The following DIAPH2 variants were observed in gnomAD, a reference collection of about 807,000 sequenced individuals.
DIAPH2 encodes the protein protein diaphanous homolog 2.
In DIAPH2, 35 loss-of-function variants were observed where a neutral mutation model predicts 92.7. The ratio of observed to expected loss-of-function variants is 0.38; its 90% confidence interval spans 0.29 to 0.50. DIAPH2 has a LOEUF of 0.50. Among genes scored for constraint, DIAPH2 ranks in the 20% least tolerant of loss-of-function variants. DIAPH2 has a pLI of 0.94. For missense variants in DIAPH2, 701 were observed against 819.5 expected (o/e 0.86, Z 1.77); for synonymous variants, 301 against 280.4 (o/e 1.07, Z -0.73).
intron 22 of DIAPH2, among the ~76,000 whole-genome samples, chrX:97,206,181 C>T (rs183905957): frequency 7.5e-4 from 83 of 110,831 alleles, no homozygotes; most frequent in African/African-American, 2.4e-3. Context: ...GGAGGGAGAG[C>T]ATTAGGACAA....
chrX:97,461,665 T>A (rs1345868845), intron 26 of DIAPH2, among the ~76,000 whole-genome samples: 1 of 111,215 alleles, frequency 9.0e-6, no homozygotes, highest in African/African-American at 3.3e-5. Context: ...TTCCCTTTAG[T>A]TATGGGGATT....
intron 23 of DIAPH2, among the ~76,000 whole-genome samples, chrX:97,252,290 TG>T (rs2068195047): frequency 1.8e-5 from 2 of 110,710 alleles, no homozygotes. Flanking sequence ...GGACAGAGAG[TG>T]ACTGAGCAGC....
intron 4 of DIAPH2, among the ~76,000 whole-genome samples, chrX:96,762,886 C>T (rs1180649001): frequency 9.0e-6 from 1 of 110,737 alleles, no homozygotes; most frequent in East Asian, 2.8e-4. Flanking sequence ...AATCCTTATT[C>T]TGTAGACTTT....
rs978936948 is a variant in DIAPH2 at position 97,212,959 on chromosome X, A to G, written c.2720-34756A>G. ...AAGTTTTGGATATTTTTATCATTAT[A>G]CAATCATTATTATGGTTTAATTTTG... On this transcript the variant is annotated intron_variant, in intron 22 of 26. Transcript: ENST00000324765. Among the ~76,000 whole-genome samples the G allele has an allele frequency of 7.2e-5, 8 of 111,870 alleles. No individual in the cohort carries two copies. In the Admixed American group the frequency reaches 7.6e-4, roughly 11 times the overall value.
intron 24 of DIAPH2, among the ~76,000 whole-genome samples, chrX:97,360,658 T>C (rs138501874): frequency 1.8e-3 from 196 of 111,264 alleles, no homozygotes; most frequent in African/African-American, 6.3e-3. Context: ...TTATGTAAAA[T>C]GGATGAAATC....
rs1055780032 is a variant in DIAPH2 at position 96,918,541 on chromosome X, C to T, written c.902C>T (p.Ala301Val). Reference sequence around the variant, plus strand: ...AAACTTTTAGGGGCTATAACAACAGCAGCAGAAAGAAATAACAGGGAACGA... The same window carrying T: ...AAACTTTTAGGGGCTATAACAACAGTAGCAGAAAGAAATAACAGGGAACGA... ...LDKLLGAITT[A>V]AERNNRERFS... The change falls in exon 9 of 27, where the codon GCA becomes GTA. Residue 301 changes from alanine to valine, a missense_variant. Around this residue, in one of 3 missense-constraint regions of DIAPH2, gnomAD observed 536 missense variants for 599.3 expected, o/e 0.89. Transcript: ENST00000324765. 1 of 1,205,404 alleles carries T rather than the reference C, an allele frequency of 8.3e-7. No individual in the cohort carries two copies. Among genetic ancestry groups the T allele is most frequent in the Middle Eastern group, 2.3e-4 (1 of 4,328 alleles).
At chrX:96,907,923 C>G (rs2065443683) in intron 5 of DIAPH2, among the ~76,000 whole-genome samples, 1 of 111,860 alleles carries the variant, frequency 8.9e-6, no homozygotes, top group South Asian at 3.7e-4. Flanking sequence ...GTGGTATATT[C>G]ATACAGTAAC....
At chrX:97,117,181 G>C (rs183286034) in intron 21 of DIAPH2, among the ~76,000 whole-genome samples, 1 of 110,406 alleles carries the variant, frequency 9.1e-6, no homozygotes, top group East Asian at 2.8e-4. Flanking sequence ...CATTTAGAAA[G>C]AGAAATATCA....
chrX:97,191,730 C>T (rs941198802), intron 22 of DIAPH2, among the ~76,000 whole-genome samples: 2 of 111,590 alleles, frequency 1.8e-5, no homozygotes, highest in Non-Finnish European at 3.8e-5. Context: ...TACTTTAGTT[C>T]GCTTAATTTT....
At chrX:96,729,881 AATG>A (rs1326594782) in intron 1 of DIAPH2, among the ~76,000 whole-genome samples, 1 of 112,284 alleles carries the variant, frequency 8.9e-6, no homozygotes, top group Non-Finnish European at 1.9e-5. Context: ...GCTCTACTAA[AATG>A]ATGAAATGGA....
intron 3 of DIAPH2, among the ~76,000 whole-genome samples, chrX:96,746,542 C>T (rs866593761): frequency 2.8e-5 from 3 of 106,406 alleles, no homozygotes; most frequent in Non-Finnish European, 3.9e-5. Context: ...CTTTTTTTTT[C>T]TTTTGTTTTT....
Position 97,003,474 on chromosome X carries a change from C to A in DIAPH2, c.2050+38267C>A, listed in dbSNP as rs185175593. Among the ~76,000 whole-genome samples the A allele has an allele frequency of 3.6e-5, 4 of 112,071 alleles. No homozygotes were observed. In the East Asian group the frequency reaches 1.1e-3, roughly 31 times the overall value. On this transcript the variant is annotated intron_variant, in intron 17 of 26. Coordinates refer to ENST00000324765, the MANE Select transcript of DIAPH2 (RefSeq NM_006729.5). ...CATCCTCTCCAGCATTTGTTATTGC[C>A]TGTCTTTCAGATGAAAGCCATTTTG... is the stretch of plus-strand genomic sequence containing the variant.
At chrX:96,864,046 G>C (rs2065088885) in intron 4 of DIAPH2, among the ~76,000 whole-genome samples, 1 of 111,649 alleles carries the variant, frequency 9.0e-6, no homozygotes, top group Admixed American at 9.5e-5. Context: ...CTGGGAGACA[G>C]AGTGAGACCC....
intron 22 of DIAPH2, among the ~76,000 whole-genome samples, chrX:97,179,532 A>G (rs1212659638): frequency 9.0e-6 from 1 of 111,328 alleles, no homozygotes; most frequent in Admixed American, 9.6e-5. Flanking sequence ...CCTGCAAAGG[A>G]CATGACCTCA....
intron 26 of DIAPH2, among the ~76,000 whole-genome samples, chrX:97,590,288 A>AGTT (rs758705353): frequency 5.4e-5 from 6 of 111,813 alleles, no homozygotes; most frequent in Admixed American, 9.5e-5. Context: ...TAAGCTGGGG[A>AGTT]GTTGGACTGA....
At chrX:97,047,041 A>G (rs1405174168) in intron 17 of DIAPH2, among the ~76,000 whole-genome samples, 2 of 111,243 alleles carry the variant, frequency 1.8e-5, no homozygotes, top group Admixed American at 9.5e-5. Context: ...TCTGATGCAG[A>G]TGATGAAGTC....
In DIAPH2 at chrX:97,543,635, G is replaced by C. The variant is rs1298696614; in HGVS notation, c.3242-55618G>C. 3.6e-5 allele frequency among the ~76,000 whole-genome samples: 4 copies of C among 110,244 alleles called. No individual in the cohort carries two copies. The Admixed American group carries it at 3.9e-4, about 11-fold the overall frequency. ...TTCTTCTGCCTCAGCCTCTCGAATA[G>C]CTGGGATTACAGGTGTGCACCACCA... is the stretch of plus-strand genomic sequence containing the variant. On this transcript the variant is annotated intron_variant, in intron 26 of 26. Coordinates refer to ENST00000324765, the MANE Select transcript of DIAPH2 (RefSeq NM_006729.5).
chrX:97,285,262 G>A (rs374308080), intron 23 of DIAPH2, among the ~76,000 whole-genome samples: 11 of 106,377 alleles, frequency 1.0e-4, no homozygotes, highest in African/African-American at 3.1e-4. Context: ...TTATGGGGCC[G>A]GGCGCGGTGG....
intron 25 of DIAPH2, among the ~76,000 whole-genome samples, chrX:97,428,041 C>G (rs1388157793): frequency 9.0e-6 from 1 of 110,853 alleles, no homozygotes; most frequent in African/African-American, 3.3e-5. Flanking sequence ...TCAATGGGCT[C>G]TACTTCATTT....
Sources: gnomAD v4.1 joint callset for allele counts (sites outside exome capture counted in the v4.1 genomes callset) on GRCh38, gnomAD v4.1.1 for gene constraint, gnomAD v4.1.1 regional missense constraint, MANE v1.5 for transcripts, NCBI Gene and HGNC (gene_info 2026-07-23, HGNC 2026-07-21) for gene names.